RTL4: variants seen among roughly 807,000 people sequenced by gnomAD.
The protein encoded by RTL4 is retrotransposon Gag like 4.
RTL4 carries 4 observed loss-of-function variants against 5.3 expected under a neutral mutation model. That is an observed-to-expected ratio of 0.75 (90% CI 0.37 to 1.72). The LOEUF is 1.72. Among genes scored for constraint, RTL4 ranks in the 40% most tolerant of loss-of-function variants. RTL4 has a pLI of 0.04. For synonymous variants in RTL4, 98 were observed against 87.3 expected, an observed-to-expected ratio of 1.12 and a Z score of -0.68; for missense variants, 260 against 227.1, an observed-to-expected ratio of 1.14 and a Z score of -0.93.
the RTL4 span, among the ~76,000 whole-genome samples, chrX:112,193,799 G>A: frequency 2.7e-5 from 3 of 111,526 alleles, no homozygotes; most frequent in Non-Finnish European, 5.7e-5. Flanking sequence ...AGTTGTCTGA[G>A]TCATTCTTAT....
the RTL4 span, among the ~76,000 whole-genome samples, chrX:112,296,042 G>C: frequency 8.9e-6 from 1 of 111,930 alleles, no homozygotes; most frequent in African/African-American, 3.2e-5. Flanking sequence ...GCAGAGAGGG[G>C]ATAGGATGAA....
At chrX:112,292,539 G>C in the RTL4 span, among the ~76,000 whole-genome samples, 4 of 111,522 alleles carry the variant, frequency 3.6e-5, no homozygotes, top group African/African-American at 1.3e-4. Context: ...CACAATACTT[G>C]GGTGTTTAAC....
chrX:112,175,703 T>G, the RTL4 span, among the ~76,000 whole-genome samples: 5 of 111,249 alleles, frequency 4.5e-5, no homozygotes, highest in Middle Eastern at 4.2e-3. Flanking sequence ...AAACTCTCAA[T>G]AAATTAGGTA....
At chrX:112,259,677 T>C in the RTL4 span, among the ~76,000 whole-genome samples, 25 of 111,197 alleles carry the variant, frequency 2.2e-4, no homozygotes, top group African/African-American at 8.1e-4. Context: ...TGTTGGAAGA[T>C]AAGACAAGCA....
the RTL4 span, among the ~76,000 whole-genome samples, chrX:112,408,947 A>G: frequency 8.9e-6 from 1 of 112,427 alleles, no homozygotes; most frequent in Non-Finnish European, 1.9e-5. Flanking sequence ...AAAAATGAAG[A>G]GAAATAAAGA....
chrX:112,094,670 G>A, the RTL4 span, among the ~76,000 whole-genome samples: 1 of 111,230 alleles, frequency 9.0e-6, no homozygotes, highest in Non-Finnish European at 1.9e-5. Context: ...AGGGAGAAAG[G>A]AGAAAACTCA....
At chrX:112,225,575 A>G in the RTL4 span, among the ~76,000 whole-genome samples, 1 of 111,893 alleles carries the variant, frequency 8.9e-6, no homozygotes, top group African/African-American at 3.3e-5. Context: ...CATTCTCTCC[A>G]GTGCCTGTAT....
chrX:112,313,408 C>T, the RTL4 span, among the ~76,000 whole-genome samples: 12 of 111,033 alleles, frequency 1.1e-4, no homozygotes, highest in South Asian at 2.3e-3. Flanking sequence ...TCATGCCCCA[C>T]GCATGATTTT....
At chrX:112,299,872 TTCA>T in the RTL4 span, among the ~76,000 whole-genome samples, 130 of 111,267 alleles carry the variant, frequency 1.2e-3, no homozygotes, top group Non-Finnish European at 2.1e-3. Flanking sequence ...GATGAGGTTT[TTCA>T]TCATCATACT....
At chrX:112,136,737 G>A in the RTL4 span, among the ~76,000 whole-genome samples, 895 of 111,686 alleles carry the variant, frequency 8.0e-3, 5 homozygotes, top group African/African-American at 0.027. Flanking sequence ...AAAGCAGATT[G>A]GAGGAAGAAT....
At chrX:112,252,667 T>G in the RTL4 span, among the ~76,000 whole-genome samples, 3 of 111,643 alleles carry the variant, frequency 2.7e-5, no homozygotes, top group Non-Finnish European at 5.6e-5. Flanking sequence ...CTATCATTCT[T>G]GGCCCCATGC....
At chrX:112,362,269 A>C in the RTL4 span, among the ~76,000 whole-genome samples, 1 of 112,011 alleles carries the variant, frequency 8.9e-6, no homozygotes, top group African/African-American at 3.2e-5. Flanking sequence ...GCAATGAACA[A>C]GAAAGGTGTG....
chrX:112,283,827 A>T, the RTL4 span, among the ~76,000 whole-genome samples: 1 of 109,374 alleles, frequency 9.1e-6, no homozygotes, highest in Non-Finnish European at 1.9e-5. Flanking sequence ...CCCTACTCTG[A>T]CTCCTCTTTT....
At chrX:112,157,064 TTGTGTGTGTG>T in the RTL4 span, among the ~76,000 whole-genome samples, 9 of 96,580 alleles carry the variant, frequency 9.3e-5, no homozygotes, top group Non-Finnish European at 1.7e-4. Flanking sequence ...GTTATACTGT[TTGTGTGTGTG>T]TGTGTGTGTG....
the RTL4 span, among the ~76,000 whole-genome samples, chrX:112,189,083 C>T: frequency 2.4e-4 from 27 of 110,959 alleles, no homozygotes; most frequent in Middle Eastern, 4.6e-3. Flanking sequence ...CAATCCCAAG[C>T]GCCATAATCC....
the RTL4 span, among the ~76,000 whole-genome samples, chrX:112,291,537 C>A: frequency 9.0e-6 from 1 of 110,500 alleles, no homozygotes; most frequent in Admixed American, 9.7e-5. Context: ...TATGAAACAT[C>A]ACAGGGTGAA....
chrX:112,369,373 C>G, the RTL4 span, among the ~76,000 whole-genome samples: 4 of 111,513 alleles, frequency 3.6e-5, no homozygotes, highest in Non-Finnish European at 5.7e-5. Context: ...CTTGGACTAT[C>G]CAAGGGCTTC....
At chrX:112,302,338 C>T in the RTL4 span, among the ~76,000 whole-genome samples, 2 of 110,280 alleles carry the variant, frequency 1.8e-5, no homozygotes, top group African/African-American at 6.6e-5. Flanking sequence ...CTGGCACATG[C>T]GTTGTGTGAT....
the RTL4 span, among the ~76,000 whole-genome samples, chrX:112,157,701 G>C: frequency 8.9e-6 from 1 of 112,252 alleles, no homozygotes; most frequent in Admixed American, 9.4e-5. Flanking sequence ...GCAGGGAGCA[G>C]TGTGTTACTC....
Sources: gnomAD v4.1 joint callset for allele counts (sites outside exome capture counted in the v4.1 genomes callset) on GRCh38, gnomAD v4.1.1 for gene constraint, MANE v1.5 for transcripts, NCBI Gene and HGNC (gene_info 2026-07-23, HGNC 2026-07-21) for gene names.